MAML3: variants seen among roughly 807,000 people sequenced by gnomAD.
MAML3 encodes mastermind-like protein 3.
MAML3 carries 27 observed loss-of-function variants against 101.9 expected under a neutral mutation model. The observed-to-expected ratio is 0.27, with a 90% confidence interval of 0.20 to 0.37. The LOEUF is 0.37. Ranked by LOEUF, MAML3 falls within the 10% of genes least tolerant of loss-of-function variation. The pLI is 1.00. For synonymous variants in MAML3, 501 were observed against 555.9 expected, an observed-to-expected ratio of 0.90 and a Z score of 1.39; for missense variants, 1,316 against 1,444.9, an observed-to-expected ratio of 0.91 and a Z score of 1.45.
At chr4:139,996,039 G>C (rs1404118353) in intron 1 of MAML3, among the ~76,000 whole-genome samples, 1 of 151,478 alleles carries the variant, frequency 6.6e-6, no homozygotes, top group African/African-American at 2.4e-5. Flanking sequence ...TTTACTCATG[G>C]GTTATTCAGG....
At chr4:140,099,886 T>C (rs1018654612) in intron 1 of MAML3, among the ~76,000 whole-genome samples, 1 of 152,158 alleles carries the variant, frequency 6.6e-6, no homozygotes, top group African/African-American at 2.4e-5. Context: ...AACCTGCTAT[T>C]ACAAACAACA....
At chr4:139,960,913 T>C (rs1295759618) in intron 1 of MAML3, among the ~76,000 whole-genome samples, 2 of 152,168 alleles carry the variant, frequency 1.3e-5, no homozygotes, top group Non-Finnish European at 2.9e-5. Flanking sequence ...CTCAAGTCTC[T>C]GTCAACAGTA....
chr4:139,842,442 G>C (rs551294982), intron 2 of MAML3, among the ~76,000 whole-genome samples: 1 of 152,160 alleles, frequency 6.6e-6, no homozygotes, highest in Admixed American at 6.5e-5. Flanking sequence ...GAGAACTCAC[G>C]TTTACTGCAT....
At chr4:139,895,623 C>T (rs904053339) in intron 1 of MAML3, among the ~76,000 whole-genome samples, 12 of 152,164 alleles carry the variant, frequency 7.9e-5, no homozygotes, top group African/African-American at 2.7e-4. Context: ...AGAAGGAATG[C>T]TTACTGGATC....
chr4:140,059,654 G>T (rs1029128661), intron 1 of MAML3, among the ~76,000 whole-genome samples: 2 of 152,148 alleles, frequency 1.3e-5, no homozygotes, highest in African/African-American at 4.8e-5. Flanking sequence ...GTCTGATATA[G>T]GTCAAATTTC....
intron 2 of MAML3, among the ~76,000 whole-genome samples, chr4:139,827,179 T>C (rs1731075558): frequency 6.6e-6 from 1 of 151,780 alleles, no homozygotes; most frequent in Non-Finnish European, 1.5e-5. Flanking sequence ...ACATAGAAAA[T>C]AGGGAGGTGT....
In MAML3 at chr4:140,152,908, T is replaced by G; in HGVS notation, c.420A>C (p.Gln140His). 4 of 1,612,736 alleles carry G rather than the reference T, an allele frequency of 2.5e-6. No homozygotes were observed. Among genetic ancestry groups the G allele is most frequent in the Non-Finnish European group, 3.4e-6 (4 of 1,179,714 alleles). ...GKQQHPSKPQ[Q>H]DAEAASAEQR... The stretch of plus-strand genomic sequence containing the variant: ...GCTCCGCCGAGGCAGCCTCCGCATC[T>G]TGCTGGGGTTTGCTCGGGTGCTGCT... The change falls in exon 1 of 5, where the codon CAA (glutamine) becomes CAC (histidine). Residue 140 changes from glutamine to histidine, a missense_variant. Gln to His is a conservative substitution (Grantham distance 24, BLOSUM62 0). Transcript: ENST00000509479.
In MAML3 at chr4:139,724,971, C is replaced by G. The variant is rs1728406430; in HGVS notation, c.2416+780G>C. On this transcript the variant is annotated intron_variant, in intron 4 of 4. Transcript: ENST00000509479. ...ACAGGGTTTTGCTATGTTGGCCAGG[C>G]TGGTCTTGAACTCCTGGCCTCAAGT... Among the ~76,000 whole-genome samples the G allele has an allele frequency of 2.0e-5, 3 of 152,072 alleles. No homozygotes were observed. The South Asian group carries it at 6.2e-4, about 31-fold the overall frequency.
At chr4:140,018,256 G>T (rs1521490) in intron 1 of MAML3, among the ~76,000 whole-genome samples, 1 of 151,960 alleles carries the variant, frequency 6.6e-6, no homozygotes, top group South Asian at 2.1e-4. Context: ...AATGTATAAC[G>T]CATAATAAAA....
At chr4:139,823,542 G>A (rs962855730) in intron 2 of MAML3, among the ~76,000 whole-genome samples, 4 of 152,098 alleles carry the variant, frequency 2.6e-5, no homozygotes, top group African/African-American at 7.2e-5. Context: ...CTTGGTGTTT[G>A]CATGTGGGCT....
chr4:140,021,723 G>A (rs1030048399), intron 1 of MAML3, among the ~76,000 whole-genome samples: 4 of 151,542 alleles, frequency 2.6e-5, no homozygotes, highest in African/African-American at 9.7e-5. Flanking sequence ...CCAGTTTAAC[G>A]TTCCTGAATC....
At chr4:139,973,607 A>G (rs1734268147) in intron 1 of MAML3, among the ~76,000 whole-genome samples, 1 of 152,208 alleles carries the variant, frequency 6.6e-6, no homozygotes, top group Non-Finnish European at 1.5e-5. Flanking sequence ...GGCCCCAGTC[A>G]GGATATTTCT....
intron 1 of MAML3, among the ~76,000 whole-genome samples, chr4:140,093,419 T>TG (rs1177886514): frequency 9.7e-4 from 143 of 147,040 alleles, no homozygotes; most frequent in African/African-American, 2.5e-3. Context: ...TTTGTTTGTT[T>TG]TTTTTTTTTT....
intron 1 of MAML3, among the ~76,000 whole-genome samples, chr4:140,057,922 G>A (rs1394547148): frequency 6.6e-6 from 1 of 150,698 alleles, no homozygotes; most frequent in Non-Finnish European, 1.5e-5. Flanking sequence ...AGGGTTCAGT[G>A]TGAAGGCCCC....
chr4:139,920,710 A>C (rs1299718511), intron 1 of MAML3, among the ~76,000 whole-genome samples: 2 of 152,204 alleles, frequency 1.3e-5, no homozygotes, highest in African/African-American at 4.8e-5. Context: ...AGCAGAATTA[A>C]GTGTCTGCAG....
intron 2 of MAML3, among the ~76,000 whole-genome samples, chr4:139,865,394 C>T: frequency 6.6e-6 from 1 of 151,946 alleles, no homozygotes; most frequent in African/African-American, 2.4e-5. Flanking sequence ...GAAATCATTC[C>T]TAGTCCCTGC....
chr4:139,867,235 G>T (rs542339590), intron 2 of MAML3, among the ~76,000 whole-genome samples: 2 of 152,282 alleles, frequency 1.3e-5, no homozygotes, highest in East Asian at 3.9e-4. Context: ...CTTAACCCAG[G>T]AATCATTGAA....
intron 2 of MAML3, among the ~76,000 whole-genome samples, chr4:139,860,307 C>A (rs1731753229): frequency 6.6e-6 from 1 of 152,208 alleles, no homozygotes; most frequent in Non-Finnish European, 1.5e-5. Context: ...CCCTGGGTTC[C>A]CAGAAAGCCC....
intron 2 of MAML3, among the ~76,000 whole-genome samples, chr4:139,786,245 CTGT>C (rs1306381156): frequency 6.6e-6 from 1 of 151,886 alleles, no homozygotes; most frequent in Non-Finnish European, 1.5e-5. Context: ...AAATAAATGT[CTGT>C]TGTTTAAGTT....
Sources: allele counts gnomAD v4.1 joint callset (sites outside exome capture counted in the v4.1 genomes callset), GRCh38; gene constraint gnomAD v4.1.1; transcripts MANE v1.5; gene names NCBI Gene and HGNC (gene_info 2026-07-23, HGNC 2026-07-21).